The following ZMYND8 variants were observed in gnomAD, a reference collection of about 807,000 sequenced individuals.
ZMYND8 encodes zinc finger MYND-type containing 8.
Under a neutral mutation model 140.8 loss-of-function variants are expected in ZMYND8, and 37 were observed. The observed-to-expected ratio is 0.26, with a 90% CI of 0.20 to 0.35. ZMYND8 has a LOEUF of 0.35. ZMYND8 is among the 10% of genes least tolerant of loss of function. The probability of loss-of-function intolerance (pLI) is 1.00; values close to 1 mark genes in which losing one functional copy is unlikely to be tolerated. For synonymous variants in ZMYND8, 592 were observed against 597.1 expected (o/e 0.99, Z 0.12); for missense variants, 1,068 against 1,570.0 (o/e 0.68, Z 5.40).
At chr20:47,293,172 G>C (rs150344323) in intron 5 of ZMYND8, among the ~76,000 whole-genome samples, 29 of 45,260 alleles carry the variant, frequency 6.4e-4, no homozygotes, top group African/African-American at 1.2e-3. Context: ...GGGAGGGAGG[G>C]AGGGAGGGAG....
At chr20:47,294,611 A>G in intron 5 of ZMYND8, 55 bp downstream of exon 5, 1 of 1,550,188 alleles carries the variant, frequency 6.5e-7, no homozygotes, top group Non-Finnish European at 8.9e-7. Context: ...TAACAGAACA[A>G]AACATATGTC....
At chr20:47,245,311 A>G (rs936079202) in intron 14 of ZMYND8, among the ~76,000 whole-genome samples, 1 of 152,068 alleles carries the variant, frequency 6.6e-6, no homozygotes, top group Non-Finnish European at 1.5e-5. Context: ...CAGTGGCGCA[A>G]TCTCAGCTCA....
chr20:47,355,558 G>T (rs757401950), intron 1 of ZMYND8: 261 of 942,752 alleles, frequency 2.8e-4, no homozygotes, highest in Admixed American at 1.2e-3. Context: ...CAGTTACATG[G>T]TATTATTAAA....
At chr20:47,283,749 TC>T in intron 8 of ZMYND8, 101 bp from the exon 9 acceptor site, 1 of 1,199,664 alleles carries the variant, frequency 8.3e-7, no homozygotes, top group Non-Finnish European at 1.2e-6. Context: ...TGTTTTAAAG[TC>T]CCATAGAGGG....
intron 3 of ZMYND8, among the ~76,000 whole-genome samples, chr20:47,303,260 C>A (rs538683376): frequency 4.4e-4 from 67 of 152,252 alleles, no homozygotes; most frequent in Non-Finnish European, 6.0e-4. Context: ...ACCAAGCAAG[C>A]AGAACTATTT....
At chr20:47,282,738 A>AC (rs2076687896) in intron 9 of ZMYND8, among the ~76,000 whole-genome samples, 6 of 151,170 alleles carry the variant, frequency 4.0e-5, no homozygotes, top group Admixed American at 2.0e-4. Context: ...AAAAAAAAAC[A>AC]AAAAAAAGAA....
intron 2 of ZMYND8, among the ~76,000 whole-genome samples, chr20:47,341,159 T>C (rs1395402584): frequency 6.6e-6 from 1 of 152,204 alleles, no homozygotes; most frequent in African/African-American, 2.4e-5. Flanking sequence ...AATGAACTCA[T>C]GTTTAGCTGA....
chr20:47,319,322 T>TA (rs1458889971), intron 2 of ZMYND8: 2 of 294,594 alleles, frequency 6.8e-6, no homozygotes, highest in Admixed American at 9.9e-5. Flanking sequence ...GGATTGTGAA[T>TA]AAATACGAGG....
intron 16 of ZMYND8, among the ~76,000 whole-genome samples, chr20:47,230,069 C>CA (rs1341121615): frequency 2.0e-5 from 3 of 152,072 alleles, no homozygotes; most frequent in Non-Finnish European, 4.4e-5. Context: ...GGACCCCACA[C>CA]AAAAAACAAT....
rs1216788688 is a variant in ZMYND8 at position 47,243,037 on chromosome 20, G to A, written c.2284+2971C>T. ...GAGAAAAATTAGCATCCCCTTTGTAGAAGGATGGAAATTACTGATGTGCCA... is the reference window on the plus strand; with the variant it reads ...GAGAAAAATTAGCATCCCCTTTGTAAAAGGATGGAAATTACTGATGTGCCA... On this transcript the variant is annotated intron_variant, in intron 14 of 22. Transcript: ENST00000471951. Among the ~76,000 whole-genome samples, 5 of 152,186 alleles carry A rather than the reference G, an allele frequency of 3.3e-5. No homozygotes were observed. In the East Asian group the frequency reaches 7.7e-4, roughly 23 times the overall value.
chr20:47,311,990 A>T (rs2078971823), intron 2 of ZMYND8, among the ~76,000 whole-genome samples: 1 of 152,220 alleles, frequency 6.6e-6, no homozygotes, highest in Non-Finnish European at 1.5e-5. Context: ...CTTAGGGACG[A>T]TGTAATGACA....
At chr20:47,310,852 T>A (rs2078877092) in intron 2 of ZMYND8, among the ~76,000 whole-genome samples, 2 of 147,180 alleles carry the variant, frequency 1.4e-5, no homozygotes, top group Non-Finnish European at 3.0e-5. Context: ...TACAGCTGAG[T>A]AACAGCTACC....
intron 4 of ZMYND8, among the ~76,000 whole-genome samples, chr20:47,295,591 G>T (rs1421392544): frequency 2.6e-5 from 4 of 152,166 alleles, no homozygotes; most frequent in Admixed American, 6.5e-5. Context: ...GATTACAAGG[G>T]AAAGCAGTGG....
chr20:47,354,273 A>G (rs965438625), intron 1 of ZMYND8: 1 of 152,200 alleles, frequency 6.6e-6, no homozygotes, highest in African/African-American at 2.4e-5. Flanking sequence ...GCAAGCTTTT[A>G]GAGGACAAAT....
intron 12 of ZMYND8, among the ~76,000 whole-genome samples, chr20:47,250,431 G>A (rs933919705): frequency 2.6e-5 from 4 of 152,034 alleles, no homozygotes; most frequent in Admixed American, 6.6e-5. Flanking sequence ...GTCCTACTCC[G>A]GCCGATCCCA....
intron 3 of ZMYND8, among the ~76,000 whole-genome samples, chr20:47,303,424 GC>G (rs1269975876): frequency 6.6e-6 from 1 of 152,146 alleles, no homozygotes; most frequent in Admixed American, 6.5e-5. Context: ...TTGTTAAGAA[GC>G]TAGAAGAATC....
chr20:47,273,491 A>C (rs989701465), intron 11 of ZMYND8, among the ~76,000 whole-genome samples: 1 of 152,202 alleles, frequency 6.6e-6, no homozygotes, highest in Non-Finnish European at 1.5e-5. Context: ...GGTTGCAGTG[A>C]GCCGAGATCG....
chr20:47,312,318 C>T (rs926989759), intron 2 of ZMYND8, among the ~76,000 whole-genome samples: 1 of 152,228 alleles, frequency 6.6e-6, no homozygotes, highest in Non-Finnish European at 1.5e-5. Context: ...ACAATGAACA[C>T]TTTCCCAAAA....
intron 2 of ZMYND8, among the ~76,000 whole-genome samples, chr20:47,316,999 G>A (rs934382761): frequency 2.0e-5 from 3 of 152,074 alleles, no homozygotes; most frequent in African/African-American, 7.2e-5. Flanking sequence ...CAGGCAGTGG[G>A]ACTCCGAGGG....
Sources: gnomAD v4.1 joint callset for allele counts (sites outside exome capture counted in the v4.1 genomes callset) on GRCh38, gnomAD v4.1.1 for gene constraint, MANE v1.5 for transcripts, NCBI Gene and HGNC (gene_info 2026-07-23, HGNC 2026-07-21) for gene names.